Variants in EMP2 observed in about 807,000 individuals in gnomAD.
EMP2 encodes the protein epithelial membrane protein 2.
A neutral mutation model predicts 13.7 loss-of-function variants in EMP2; 19 were observed. The ratio of observed to expected loss-of-function variants is 1.38; its 90% CI spans 0.97 to 2.03. The LOEUF is 2.03. EMP2 is among the 30% of genes most tolerant of loss of function. The probability of loss-of-function intolerance (pLI) is 0.00; values close to 1 mark genes in which losing one functional copy is unlikely to be tolerated. For missense variants in EMP2, 253 were observed against 220.7 expected, an observed-to-expected ratio of 1.15 and a Z score of -0.93; for synonymous variants, 97 against 84.7, an observed-to-expected ratio of 1.15 and a Z score of -0.80.
chr16:10,535,425 T>C lies in EMP2; in HGVS notation c.317-2333A>G, dbSNP rs138285071. ...AGGCTTACAGATCAACAGACAAACA[T>C]AGACAATAACAGAAAATAAACTTCA... On this transcript the variant is annotated intron_variant, in intron 4 of 4. Transcript: ENST00000359543. 1.3e-3 allele frequency among the ~76,000 whole-genome samples: 193 copies of C among 152,176 alleles called. 1 individual carries two copies. The Middle Eastern group carries it at 0.017, about 13-fold the overall frequency.
In EMP2 at chr16:10,562,378, C is replaced by CTCTA. The variant is rs1555460306; in HGVS notation, c.-60-14705_-60-14702dup. Among the ~76,000 whole-genome samples, 1,227 of 135,052 alleles carry CTCTA rather than the reference C, an allele frequency of 9.1e-3. 11 individuals are homozygous for CTCTA. The highest frequency in any genetic ancestry group is 0.026 in the South Asian group (108 of 4,096). 88.6% of individuals were successfully genotyped at this position (135,052 alleles called of 152,430 possible). ...TCTCTCTCTCTCTCTCTCTCTCTCT[C>CTCTA]TCTATCTATCTCTCTCTCTCTATCT... On this transcript the variant is annotated intron_variant, in intron 1 of 4. Transcript: ENST00000359543.
Position 10,579,708 on chromosome 16 carries a change from G to GCACACATACA in EMP2, c.-61+840_-61+841insTGTATGTGTG, listed in dbSNP as rs1555461496. On this transcript the variant is annotated intron_variant, in intron 1 of 4. Coordinates refer to ENST00000359543, the MANE Select transcript of EMP2 (RefSeq NM_001424.6). ...CACAGCTGAATTATAAGATCAAGGTGCACACACACACACACACACACACAC... is the reference window on the plus strand; with the variant it reads ...CACAGCTGAATTATAAGATCAAGGTGCACACATACACACACACACACACACACACACACAC... 6.8e-5 allele frequency among the ~76,000 whole-genome samples: 10 copies of GCACACATACA among 146,668 alleles called. 1 individual carries two copies. Among genetic ancestry groups the GCACACATACA allele is most frequent in the African/African-American group, 2.6e-4 (10 of 38,336 alleles).
At chr16:10,574,165 T>A (rs188076043) in intron 1 of EMP2, among the ~76,000 whole-genome samples, 42 of 152,250 alleles carry the variant, frequency 2.8e-4, no homozygotes, top group Non-Finnish European at 7.4e-5. Flanking sequence ...CTTGAACTCC[T>A]GAACTCAAGT....
At chr16:10,553,145 G>A (rs2050800579) in intron 1 of EMP2, among the ~76,000 whole-genome samples, 1 of 152,170 alleles carries the variant, frequency 6.6e-6, no homozygotes. Context: ...GAAATCCCCC[G>A]AATGTTTAAG....
intron 1 of EMP2, among the ~76,000 whole-genome samples, chr16:10,567,816 A>G (rs1245209243): frequency 6.6e-6 from 1 of 152,212 alleles, no homozygotes; most frequent in Non-Finnish European, 1.5e-5. Flanking sequence ...ATGAAATACC[A>G]CTAAAGCAAG....
intron 4 of EMP2, among the ~76,000 whole-genome samples, chr16:10,536,901 C>T (rs969127925): frequency 1.3e-5 from 2 of 152,100 alleles, no homozygotes; most frequent in East Asian, 1.9e-4. Context: ...TGCACCTGAC[C>T]GGGACTTTCA....
In EMP2 at chr16:10,548,764, T is replaced by A. The variant is rs190908504; in HGVS notation, c.-60-1087A>T. Among the ~76,000 whole-genome samples the A allele has an allele frequency of 3.0e-4, 46 of 152,242 alleles. 1 individual carries two copies. The East Asian group carries it at 6.9e-3, about 23-fold the overall frequency. On this transcript the variant is annotated intron_variant, in intron 1 of 4. Transcript: ENST00000359543. ...CCCACTCAGACACCATTCTTCTTAA[T>A]ATATATTCCCATTTGAACAACACTG... is the stretch of plus-strand genomic sequence containing the variant.
intron 4 of EMP2, among the ~76,000 whole-genome samples, chr16:10,536,084 A>T (rs2050644934): frequency 6.6e-6 from 1 of 151,952 alleles, no homozygotes; most frequent in African/African-American, 2.4e-5. Flanking sequence ...GCACTTGAAA[A>T]CACTCTCATT....
In EMP2 at chr16:10,536,052, A is replaced by C. The variant is rs1288583647; in HGVS notation, c.316+1876T>G. Among the ~76,000 whole-genome samples the C allele has an allele frequency of 6.6e-5, 10 of 152,160 alleles. 1 individual carries two copies. Among genetic ancestry groups the C allele is most frequent in the Non-Finnish European group, 1.5e-5 (1 of 67,986 alleles). ...GTGGACTTGGGGGGTTCTCAAGATC[A>C]AGTGACCCTCCGGAGTCTTTTGCAC... On this transcript the variant is annotated intron_variant, in intron 4 of 4. Coordinates refer to ENST00000359543, the MANE Select transcript of EMP2 (RefSeq NM_001424.6).
At chr16:10,574,784 T>A (rs935274957) in intron 1 of EMP2, among the ~76,000 whole-genome samples, 1 of 151,824 alleles carries the variant, frequency 6.6e-6, no homozygotes, top group Non-Finnish European at 1.5e-5. Context: ...TCTCCTGACC[T>A]CACCATCCAC....
intron 1 of EMP2, among the ~76,000 whole-genome samples, chr16:10,572,935 T>C (rs1200678156): frequency 1.3e-5 from 2 of 152,196 alleles, no homozygotes; most frequent in African/African-American, 4.8e-5. Flanking sequence ...CAAAGACAAA[T>C]GTCCACTATA....
At chr16:10,569,252 C>T (rs139138316) in intron 1 of EMP2, among the ~76,000 whole-genome samples, 259 of 152,294 alleles carry the variant, frequency 1.7e-3, no homozygotes, top group African/African-American at 6.1e-3. Context: ...TGTGGGTGCA[C>T]CACCTGTTCT....
At chr16:10,533,280 C>T (rs531455559) in intron 4 of EMP2, among the ~76,000 whole-genome samples, 188 bp from the exon 5 acceptor site, 1 of 152,174 alleles carries the variant, frequency 6.6e-6, no homozygotes, top group Non-Finnish European at 1.5e-5. Flanking sequence ...TCAAGCAATC[C>T]TCCTGCCTCG....
At chr16:10,579,708 G>GCA (rs71133370) in intron 1 of EMP2, among the ~76,000 whole-genome samples, 401 of 146,772 alleles carry the variant, frequency 2.7e-3, no homozygotes, top group Middle Eastern at 0.01. Flanking sequence ...AGATCAAGGT[G>GCA]CACACACACA....
intron 4 of EMP2, among the ~76,000 whole-genome samples, chr16:10,535,716 C>T (rs536757221): frequency 6.6e-6 from 1 of 152,256 alleles, no homozygotes; most frequent in Non-Finnish European, 1.5e-5. Context: ...AGTCCCCCCA[C>T]CCCAAGTTAA....
intron 3 of EMP2, 92 bp downstream of exon 3, chr16:10,543,478 G>A: frequency 2.2e-6 from 3 of 1,392,728 alleles, no homozygotes; most frequent in Non-Finnish European, 3.1e-6. Context: ...GAGTGGAGGA[G>A]AGGGTACGGA....
intron 1 of EMP2, among the ~76,000 whole-genome samples, chr16:10,579,357 T>C (rs1203460974): frequency 6.6e-6 from 1 of 152,110 alleles, no homozygotes; most frequent in Non-Finnish European, 1.5e-5. Flanking sequence ...AAGGCGGCTT[T>C]TAAAAAATTT....
intron 1 of EMP2, among the ~76,000 whole-genome samples, chr16:10,554,985 G>T (rs964282623): frequency 7.2e-5 from 11 of 152,102 alleles, no homozygotes; most frequent in African/African-American, 2.7e-4. Flanking sequence ...TCGTTCAGTT[G>T]TTTATTGTCT....
At chr16:10,538,116 C>A (rs1354052403) in intron 3 of EMP2, 42 bp from the exon 4 acceptor site, 1 of 1,606,332 alleles carries the variant, frequency 6.2e-7, no homozygotes, top group Non-Finnish European at 8.5e-7. Context: ...GGACCTTGGC[C>A]AGCCGGCACT....
Sources: gnomAD v4.1 joint callset for allele counts (sites outside exome capture counted in the v4.1 genomes callset) on GRCh38, gnomAD v4.1.1 for gene constraint, MANE v1.5 for transcripts, NCBI Gene and HGNC (gene_info 2026-07-23, HGNC 2026-07-21) for gene names.